Variants in KRT76 observed in about 807,000 individuals in gnomAD.
KRT76 encodes keratin, type II cytoskeletal 2 oral.
A neutral mutation model predicts 44.9 loss-of-function variants in KRT76; 47 were observed. That is an observed-to-expected ratio of 1.05 (90% CI 0.83 to 1.33). KRT76 has a LOEUF of 1.33. Ranked by LOEUF, KRT76 falls within the 40% of genes most tolerant of loss-of-function variation. The pLI is 0.00. For synonymous variants in KRT76, 331 were observed against 294.1 expected (o/e 1.13, Z -1.28); for missense variants, 860 against 775.8 (o/e 1.11, Z -1.29).
At chr12:52,772,061 A>T (rs768807596) in intron 5 of KRT76, 33 bp downstream of exon 5, 4 of 1,607,026 alleles carry the variant, frequency 2.5e-6, no homozygotes, top group Non-Finnish European at 3.4e-6. Context: ...AATGAAGGTC[A>T]TCAGGATCCA....
At chr12:52,771,755 C>A in intron 6 of KRT76, 116 bp downstream of exon 6, 1 of 1,315,148 alleles carries the variant, frequency 7.6e-7, no homozygotes, top group East Asian at 2.3e-5. Context: ...CTGCGCTATC[C>A]CACATGTGAC....
At chr12:52,775,964 T>TA (rs1407466282) in intron 1 of KRT76, among the ~76,000 whole-genome samples, 4 of 150,002 alleles carry the variant, frequency 2.7e-5, no homozygotes, top group African/African-American at 1.0e-4. Flanking sequence ...GTCCTGGGTC[T>TA]ATAGGGATCC....
At chr12:52,771,333 C>A in intron 6 of KRT76, 114 bp from the exon 7 acceptor site, 2 of 1,006,748 alleles carry the variant, frequency 2.0e-6, no homozygotes, top group South Asian at 1.5e-5. Context: ...TTAGAAATCC[C>A]AATGGAGCAT....
chr12:52,771,789 T>C (rs530544030), intron 6 of KRT76, 82 bp downstream of exon 6: 9 of 1,486,080 alleles, frequency 6.1e-6, no homozygotes, highest in African/African-American at 2.8e-5. Flanking sequence ...GGAGAGAGCA[T>C]GTAGCAGAGG....
chr12:52,772,206 A>G lies in KRT76; in HGVS notation c.1025T>C (p.Met342Thr), dbSNP rs755523799. The G allele has an allele frequency of 2.6e-5, 42 of 1,612,968 alleles. No individual in the cohort carries two copies. Among genetic ancestry groups the G allele is most frequent in the Non-Finnish European group, 3.3e-5 (39 of 1,179,428 alleles). ...CAGGTCCAGGCAGCGGTTGTTGTCCATGGACAGAACCACAGACGTGTCACT... is the reference window on the plus strand; with the variant it reads ...CAGGTCCAGGCAGCGGTTGTTGTCCGTGGACAGAACCACAGACGTGTCACT... ...HASDTSVVLSMDNNRCLDLGS... is the reference protein window; with the variant it reads ...HASDTSVVLSTDNNRCLDLGS... Residue 342 changes from methionine to threonine, a missense_variant, in exon 5 of 9, where the codon ATG becomes ACG. Transcript: ENST00000332411.
rs1939148097 is a variant in KRT76 at position 52,769,594 on chromosome 12, A to T, written c.1485-11T>A. 1 of 1,613,124 alleles carries T rather than the reference A, an allele frequency of 6.2e-7. No homozygotes were observed. The highest frequency in any genetic ancestry group is 1.7e-5 in the Admixed American group (1 of 60,026). On this transcript the variant is annotated splice_polypyrimidine_tract_variant and intron_variant, in intron 7 of 8. Transcript: ENST00000332411. ...CATTCTCCAGACATCCTGAAAAGGA[A>T]GAGGAGAGGTGAATTCTTTCTGTTA...
chr12:52,772,635 C>G, intron 4 of KRT76, 148 bp downstream of exon 4: 1 of 690,042 alleles, frequency 1.4e-6, no homozygotes. Flanking sequence ...ACTGAAGAAG[C>G]TCAGTTAACA....
rs779770537 is a variant in KRT76, at chr12:52,772,849, C to T, written c.906G>A (p.Val302=). 1 of 1,614,124 alleles carries T rather than the reference C, an allele frequency of 6.2e-7. No homozygotes were observed. The highest frequency in any genetic ancestry group is 1.1e-5 in the South Asian group (1 of 91,078). The change falls in exon 4 of 9, where the codon GTG becomes GTA. Residue 302 remains valine (V), a synonymous_variant. Coordinates refer to ENST00000332411, the MANE Select transcript of KRT76 (RefSeq NM_015848.4). ...KDVDAAFMNK[V]ELQAKVDSLT... Reference sequence around the variant, plus strand: ...GGCTGTCCACTTTGGCCTGCAGCTCCACCTTGTTCATGAAAGCCGCATCCA... The same window carrying T: ...GGCTGTCCACTTTGGCCTGCAGCTCTACCTTGTTCATGAAAGCCGCATCCA...
chr12:52,770,473 T>C (rs1939162611), intron 7 of KRT76, among the ~76,000 whole-genome samples: 1 of 152,224 alleles, frequency 6.6e-6, no homozygotes. Flanking sequence ...GTATCAACCG[T>C]CTCCCCATAT....
At position 52,772,816 on chromosome 12, in the gene KRT76, A is replaced by T; in HGVS notation, c.939T>A (p.Asp313Glu). The T allele has an allele frequency of 6.2e-7, 1 of 1,614,096 alleles. No homozygotes were observed. The highest frequency in any genetic ancestry group is 8.5e-7 in the Non-Finnish European group (1 of 1,179,932). The change falls in exon 4 of 9, where the codon GAT becomes GAA. Residue 313 changes from aspartate (D) to glutamate (E), a missense_variant. Physicochemically the swap from Asp to Glu is conservative, Grantham distance 45. Coordinates refer to ENST00000332411, the MANE Select transcript of KRT76 (RefSeq NM_015848.4). ...AGAGGGTCCTCAGGAAGCTGACTTCATCTGTCAGGCTGTCCACTTTGGCCT... is the reference window on the plus strand; with the variant it reads ...AGAGGGTCCTCAGGAAGCTGACTTCTTCTGTCAGGCTGTCCACTTTGGCCT... ...ELQAKVDSLT[D>E]EVSFLRTLYE...
chr12:52,768,853 C>T lies in KRT76; in HGVS notation c.1777G>A (p.Val593Met), dbSNP rs1369199455. The change falls in exon 9 of 9, where the codon GTG becomes ATG. Residue 593 changes from valine to methionine, a missense_variant. Coordinates refer to ENST00000332411, the MANE Select transcript of KRT76 (RefSeq NM_015848.4). ...CTGGAGCCCATTCCACTGTGGCTCA[C>T]GGAGATGCTACCTGCACCGCCGAGC... Reference protein sequence around the residue: ...SRLGGAGSISVSHSGMGSSSG... With the variant: ...SRLGGAGSISMSHSGMGSSSG... 5.0e-6 allele frequency: 8 copies of T among 1,613,746 alleles called. No homozygotes were observed. Among genetic ancestry groups the T allele is most frequent in the African/African-American group, 4.0e-5 (3 of 74,878 alleles).
rs1939207250 is a variant in KRT76 at position 52,772,851 on chromosome 12, C to G, written c.904G>C (p.Val302Leu). 6.2e-7 allele frequency: 1 copy of G among 1,614,012 alleles called. No homozygotes were observed. The highest frequency in any genetic ancestry group is 1.3e-5 in the African/African-American group (1 of 74,918). ...KDVDAAFMNK[V>L]ELQAKVDSLT... ...CTGTCCACTTTGGCCTGCAGCTCCA[C>G]CTTGTTCATGAAAGCCGCATCCACA... Residue 302 changes from valine (V) to leucine (L), a missense_variant, in exon 4 of 9, where the codon GTG becomes CTG. Coordinates refer to ENST00000332411, the MANE Select transcript of KRT76 (RefSeq NM_015848.4).
chr12:52,773,730 G>T (rs113470001), intron 2 of KRT76, 88 bp from the exon 3 acceptor site: 6 of 1,097,566 alleles, frequency 5.5e-6, no homozygotes, highest in Non-Finnish European at 4.1e-6. Flanking sequence ...CCTCACCTGC[G>T]CAGAGACAGG....
rs765174471 is a variant in KRT76, at chr12:52,777,119, A to T, written c.173T>A (p.Leu58His). The change falls in exon 1 of 9, where the codon CTC (leucine) becomes CAC (histidine). Residue 58 changes from leucine to histidine, a missense_variant. Transcript: ENST00000332411. ...SGAGSFGSRS[L>H]YNLGSNKSIS... ...GCTCTTGTTGCTGCCCAGGTTGTAG[A>T]GGCTGCGACTGCCAAAGCTGCCTGC... 6.2e-7 allele frequency: 1 copy of T among 1,614,206 alleles called. No homozygotes were observed.
chr12:52,772,873 C>T lies in KRT76; in HGVS notation c.882G>A (p.Val294=), dbSNP rs1939207704. The change falls in exon 4 of 9, where the codon GTG becomes GTA. Residue 294 remains valine, a synonymous_variant. Coordinates refer to ENST00000332411, the MANE Select transcript of KRT76 (RefSeq NM_015848.4). ...ENEFVGLKKD[V]DAAFMNKVEL... is the part of the protein sequence containing the mutation. ...CCACCTTGTTCATGAAAGCCGCATC[C>T]ACATCCTGCAGAGGAGGTCAGAAAC... is the stretch of plus-strand genomic sequence containing the variant. The T allele has an allele frequency of 6.2e-7, 1 of 1,613,514 alleles. No individual in the cohort carries two copies. Among genetic ancestry groups the T allele is most frequent in the Non-Finnish European group, 8.5e-7 (1 of 1,179,558 alleles).
rs777973041 is a variant in KRT76, at chr12:52,769,055, A to C, written c.1575T>G (p.Val525=). The part of the protein sequence containing the change: ...TSGSSGSSRG[V]FGGVSGSGSG... The stretch of plus-strand genomic sequence containing the variant: ...TGCCACTGCCACTGACCCCTCCAAA[A>C]ACTCCACGGCTACTGCCAGAGCTGC... Residue 525 remains valine, a synonymous_variant, in exon 9 of 9, where the codon GTT becomes GTG. Transcript: ENST00000332411. The C allele has an allele frequency of 2.7e-6, 2 of 734,228 alleles. No homozygotes were observed. The highest frequency in any genetic ancestry group is 5.0e-6 in the Non-Finnish European group (2 of 399,550). 45.5% of individuals were successfully genotyped at this position (734,228 alleles called of 1,614,324 possible). A position where few individuals can be genotyped will look rare whatever the true frequency, so the allele number is the denominator to read the frequency against.
Position 52,768,562 on chromosome 12 carries a change from A to T in KRT76, c.*151T>A, listed in dbSNP as rs1253672334. On this transcript the variant is annotated 3_prime_UTR_variant, in exon 9 of 9. Transcript: ENST00000332411. ...CCATGGCCCTGGGAAGGTCATGGGGATGGAGAAACCAGGAGTTCAGCTTCT... is the reference window on the plus strand; with the variant it reads ...CCATGGCCCTGGGAAGGTCATGGGGTTGGAGAAACCAGGAGTTCAGCTTCT... 1.1e-6 allele frequency: 1 copy of T among 873,646 alleles called. No homozygotes were observed. The highest frequency in any genetic ancestry group is 1.8e-6 in the Non-Finnish European group (1 of 565,838). 54.1% of individuals were successfully genotyped at this position (873,646 alleles called of 1,614,324 possible).
Position 52,771,175 on chromosome 12 carries a change from T to G in KRT76, c.1308A>C (p.Gly436=). The G allele has an allele frequency of 6.2e-7, 1 of 1,614,170 alleles. No individual in the cohort carries two copies. Among genetic ancestry groups the G allele is most frequent in the Non-Finnish European group, 8.5e-7 (1 of 1,180,036 alleles). The stretch of plus-strand genomic sequence containing the variant: ...CATTGGCGTCCTTGAGGGCCATCTC[T>G]CCACGCTGCTCAGCCTCTGCAATTG... ...QTAIAEAEQR[G]EMALKDANAK... The change falls in exon 7 of 9, where the codon GGA becomes GGC. Residue 436 remains glycine (G), a synonymous_variant. Coordinates refer to ENST00000332411, the MANE Select transcript of KRT76 (RefSeq NM_015848.4).
At chr12:52,773,666 T>C (rs1939219633) in intron 2 of KRT76, 24 bp from the exon 3 acceptor site, 1 of 1,598,354 alleles carries the variant, frequency 6.3e-7, no homozygotes, top group Non-Finnish European at 8.6e-7. Flanking sequence ...AGGCACACAT[T>C]TGAACACTGG....
Sources: gnomAD v4.1 joint callset for allele counts (sites outside exome capture counted in the v4.1 genomes callset) on GRCh38, gnomAD v4.1.1 for gene constraint, MANE v1.5 for transcripts, NCBI Gene and HGNC (gene_info 2026-07-23, HGNC 2026-07-21) for gene names.